Variants in ICE2 observed in about 807,000 individuals in gnomAD.
ICE2 encodes little elongation complex subunit 2.
In ICE2, 87 loss-of-function variants were observed where a neutral mutation model predicts 105.4. That is an observed-to-expected ratio of 0.83 (90% CI 0.69 to 0.99). The LOEUF (loss-of-function observed/expected upper bound fraction) is 0.99. Ranked by LOEUF, ICE2 falls within the 50% of genes least tolerant of loss-of-function variation. The pLI is 0.00. For missense variants in ICE2, 1,323 were observed against 1,146.7 expected (o/e 1.15, Z -2.22); for synonymous variants, 399 against 392.0 (o/e 1.02, Z -0.21).
rs184567979 is a variant in ICE2, at chr15:60,437,124, G to A, written c.2426-897C>T. Among the ~76,000 whole-genome samples the A allele has an allele frequency of 3.7e-4, 56 of 151,838 alleles. No homozygotes were observed. The East Asian group carries it at 7.1e-3, about 19-fold the overall frequency. ...AAAAAAATTAGCCAGGCATGGTGGT[G>A]GGCACCTGTAATCCCACCTACTTGG... On this transcript the variant is annotated intron_variant, in intron 12 of 15. Transcript: ENST00000261520.
At chr15:60,434,881 C>A (rs1415655480) in intron 13 of ICE2, among the ~76,000 whole-genome samples, 1 of 152,076 alleles carries the variant, frequency 6.6e-6, no homozygotes, top group Non-Finnish European at 1.5e-5. Flanking sequence ...GTCCAAATAG[C>A]TAGAAGGGAA....
intron 3 of ICE2, among the ~76,000 whole-genome samples, chr15:60,475,807 T>C (rs758814026): frequency 3.9e-5 from 6 of 152,116 alleles, no homozygotes; most frequent in Non-Finnish European, 7.4e-5. Flanking sequence ...TCCATAGTAT[T>C]ATACTATATT....
chr15:60,441,651 G>C (rs1027570183), intron 12 of ICE2: 1 of 152,190 alleles, frequency 6.6e-6, no homozygotes, highest in African/African-American at 2.4e-5. Flanking sequence ...AGTCTGAGAT[G>C]ATTAGAAAGG....
intron 9 of ICE2, chr15:60,452,088 T>G (rs1451635551): frequency 1.0e-6 from 1 of 985,196 alleles, no homozygotes; most frequent in Non-Finnish European, 1.2e-6. Flanking sequence ...TTAACCTACC[T>G]CATGTTTCTT....
intron 3 of ICE2, among the ~76,000 whole-genome samples, chr15:60,469,711 AG>A (rs2064534826): frequency 6.6e-6 from 1 of 152,190 alleles, no homozygotes. Flanking sequence ...ATACGCACAT[AG>A]TTTACCATGG....
chr15:60,478,859 G>A (rs1024827090), intron 1 of ICE2, 144 bp downstream of exon 1: 4 of 422,988 alleles, frequency 9.5e-6, no homozygotes, highest in Admixed American at 2.6e-5. Flanking sequence ...AAGCAAAGCA[G>A]GGGTAGGAGC....
At chr15:60,474,927 C>G (rs1357956025) in intron 3 of ICE2, among the ~76,000 whole-genome samples, 1 of 151,980 alleles carries the variant, frequency 6.6e-6, no homozygotes, top group East Asian at 1.9e-4. Flanking sequence ...TCAAGATCAA[C>G]CGGGGCAACA....
intron 13 of ICE2, among the ~76,000 whole-genome samples, chr15:60,435,206 G>A (rs916802458): frequency 4.7e-5 from 7 of 148,902 alleles, no homozygotes; most frequent in South Asian, 2.2e-4. Flanking sequence ...GCATGAACCC[G>A]GGAGGCAGAA....
Position 60,428,434 on chromosome 15 carries a change from G to C in ICE2, c.2815C>G (p.Gln939Glu). The change falls in exon 15 of 16, where the codon CAA becomes GAA. Residue 939 changes from glutamine to glutamate, a missense_variant. Coordinates refer to ENST00000261520, the MANE Select transcript of ICE2 (RefSeq NM_024611.6). ...PPKSLDTTTQ[Q>E]KIGGTRMPTR... is the part of the protein sequence containing the mutation. ...AATTTCAAAAAAGATCTTACCTTTTGTTGTGTTGTGGTATCCAGTGATTTC... is the reference window on the plus strand; with the variant it reads ...AATTTCAAAAAAGATCTTACCTTTTCTTGTGTTGTGGTATCCAGTGATTTC... 1 of 1,610,890 alleles carries C rather than the reference G, an allele frequency of 6.2e-7. No homozygotes were observed. Among genetic ancestry groups the C allele is most frequent in the Non-Finnish European group, 8.5e-7 (1 of 1,177,824 alleles).
chr15:60,465,750 CTTTTTTTTTT>C (rs201899350), intron 5 of ICE2, among the ~76,000 whole-genome samples: 2 of 127,022 alleles, frequency 1.6e-5, no homozygotes, highest in African/African-American at 5.8e-5. Flanking sequence ...ATACTTTATT[CTTTTTTTTTT>C]TTTTTTTTGA....
chr15:60,434,263 A>C (rs2063528570), intron 13 of ICE2, among the ~76,000 whole-genome samples: 1 of 152,172 alleles, frequency 6.6e-6, no homozygotes, highest in Non-Finnish European at 1.5e-5. Flanking sequence ...CATTTCAGTC[A>C]CGTGTATAAT....
intron 15 of ICE2, among the ~76,000 whole-genome samples, chr15:60,427,577 A>C (rs545263528): frequency 3.0e-4 from 45 of 152,170 alleles, no homozygotes; most frequent in Non-Finnish European, 6.5e-4. Context: ...GGTGTGCACC[A>C]TGATGCCAGG....
In ICE2 at chr15:60,455,313, C is replaced by T. The variant is rs1415979808; in HGVS notation, c.783+13G>A. On this transcript the variant is annotated intron_variant, in intron 7 of 15. Transcript: ENST00000261520. ...GATTATTTAGGAAGATCCAATGTTG[C>T]CTTGGTACTTACATAATGCATAGCT... The T allele has an allele frequency of 3.1e-6, 5 of 1,588,012 alleles. No individual in the cohort carries two copies. The highest frequency in any genetic ancestry group is 1.1e-5 in the South Asian group (1 of 90,154).
intron 12 of ICE2, 148 bp downstream of exon 12, chr15:60,442,268 G>T: frequency 1.5e-6 from 1 of 671,340 alleles, no homozygotes. Flanking sequence ...ACTCCAGCCT[G>T]GGCAACAGAA....
intron 3 of ICE2, among the ~76,000 whole-genome samples, chr15:60,475,444 A>G (rs1238881007): frequency 6.6e-6 from 1 of 152,156 alleles, no homozygotes; most frequent in African/African-American, 2.4e-5. Flanking sequence ...TCACCAATAT[A>G]TTGTTTTTAA....
intron 12 of ICE2, among the ~76,000 whole-genome samples, chr15:60,437,203 C>CGA (rs1383522732): frequency 2.0e-5 from 3 of 151,124 alleles, no homozygotes; most frequent in Admixed American, 6.6e-5. Flanking sequence ...TGCAGTGAGC[C>CGA]GATACAGTGC....
chr15:60,440,071 G>C (rs1277303718), intron 12 of ICE2: 2 of 152,160 alleles, frequency 1.3e-5, no homozygotes, highest in African/African-American at 2.4e-5. Flanking sequence ...GAGACAAAGA[G>C]TCAACACAAC....
intron 12 of ICE2, chr15:60,442,153 C>G (rs2063732725): frequency 3.5e-6 from 1 of 283,660 alleles, no homozygotes; most frequent in African/African-American, 2.2e-5. Context: ...ATTAGCTGGG[C>G]ATGGTAGCAC....
chr15:60,449,020 T>A lies in ICE2; in HGVS notation c.1947A>T (p.Leu649Phe). 1 of 1,613,818 alleles carries A rather than the reference T, an allele frequency of 6.2e-7. No homozygotes were observed. ...GCTTTAAGAGCTCATCCTGCATTTT[T>A]AAAATCTCTCCAACTGGATCAAATT... ...YKKFDPVGEI[L>F]KMQDELLKPI... Residue 649 changes from leucine to phenylalanine, a missense_variant, in exon 10 of 16, where the codon TTA becomes TTT. Coordinates refer to ENST00000261520, the MANE Select transcript of ICE2 (RefSeq NM_024611.6).
Sources: gnomAD v4.1 joint callset for allele counts (sites outside exome capture counted in the v4.1 genomes callset) on GRCh38, gnomAD v4.1.1 for gene constraint, MANE v1.5 for transcripts, NCBI Gene and HGNC (gene_info 2026-07-23, HGNC 2026-07-21) for gene names.